Variants in MAML2 observed in about 807,000 individuals in gnomAD.
MAML2 encodes the protein mastermind-like protein 2.
Under a neutral mutation model 96.1 loss-of-function variants are expected in MAML2, and 22 were observed. The ratio of observed to expected loss-of-function variants is 0.23; its 90% CI spans 0.16 to 0.33. The LOEUF is 0.33. MAML2 is among the 10% of genes least tolerant of loss of function. The pLI is 1.00. For synonymous variants in MAML2, 561 were observed against 521.3 expected (o/e 1.08, Z -1.04); for missense variants, 1,367 against 1,392.4 (o/e 0.98, Z 0.29).
chr11:96,144,143 C>T (rs1363327998), intron 1 of MAML2, among the ~76,000 whole-genome samples: 1 of 152,134 alleles, frequency 6.6e-6, no homozygotes, highest in Non-Finnish European at 1.5e-5. Context: ...TGGGAGTTCT[C>T]GTCTCAATTC....
At chr11:96,254,205 T>C (rs1166371873) in intron 1 of MAML2, among the ~76,000 whole-genome samples, 1 of 152,212 alleles carries the variant, frequency 6.6e-6, no homozygotes, top group East Asian at 1.9e-4. Context: ...ACCAGACCTA[T>C]GCAAATAGTA....
At chr11:96,327,035 A>G (rs1257804115) in intron 1 of MAML2, among the ~76,000 whole-genome samples, 1 of 152,228 alleles carries the variant, frequency 6.6e-6, no homozygotes. Context: ...TATGAAGAAA[A>G]CAAAACCTCT....
rs553284041 is a variant in MAML2 at position 96,119,225 on chromosome 11, T to C, written c.514-25708A>G. 2.7e-5 allele frequency among the ~76,000 whole-genome samples: 4 copies of C among 150,206 alleles called. No homozygotes were observed. The East Asian group carries it at 7.7e-4, about 29-fold the overall frequency. On this transcript the variant is annotated intron_variant, in intron 1 of 4. Transcript: ENST00000524717. ...TGTGAACTTACATGGCAAAAGAGAC[T>C]GTGTTCTAAAATTTAGTTAAGGATC...
intron 1 of MAML2, among the ~76,000 whole-genome samples, chr11:96,226,695 A>G (rs1175829736): frequency 6.6e-6 from 1 of 152,224 alleles, no homozygotes; most frequent in Non-Finnish European, 1.5e-5. Context: ...GACAGTGTCA[A>G]TTCTTAATTG....
chr11:96,171,601 T>A (rs758616196), intron 1 of MAML2, among the ~76,000 whole-genome samples: 1 of 152,166 alleles, frequency 6.6e-6, no homozygotes, highest in Non-Finnish European at 1.5e-5. Flanking sequence ...GTCAATGCAG[T>A]CATGGGACTA....
At chr11:96,327,353 T>C (rs1863799522) in intron 1 of MAML2, among the ~76,000 whole-genome samples, 1 of 152,214 alleles carries the variant, frequency 6.6e-6, no homozygotes, top group Non-Finnish European at 1.5e-5. Flanking sequence ...TTTTCCTTAG[T>C]TTCTGTAATT....
At chr11:96,083,322 G>A (rs980991889) in intron 2 of MAML2, among the ~76,000 whole-genome samples, 1 of 152,082 alleles carries the variant, frequency 6.6e-6, no homozygotes. Context: ...ACTTTCCATT[G>A]CCTTCAGGAT....
chr11:96,015,078 C>A (rs549444184), intron 2 of MAML2, among the ~76,000 whole-genome samples: 22 of 152,284 alleles, frequency 1.4e-4, no homozygotes, highest in African/African-American at 5.3e-4. Flanking sequence ...AATACTTCAT[C>A]TAGTTAGTCA....
intron 1 of MAML2, among the ~76,000 whole-genome samples, chr11:96,221,989 T>C (rs1038426198): frequency 1.3e-5 from 2 of 152,220 alleles, no homozygotes; most frequent in African/African-American, 4.8e-5. Flanking sequence ...TTTCCGTTTC[T>C]ACTTTGTCAT....
Position 96,238,011 on chromosome 11 carries a change from C to T in MAML2, c.513+103372G>A, listed in dbSNP as rs558078105. ...CTGTATGGACAAAGTCTAATGCTTT[C>T]CGTGCCACCAAATTAGTACTTAAGT... On this transcript the variant is annotated intron_variant, in intron 1 of 4. Transcript: ENST00000524717. Among the ~76,000 whole-genome samples, 56 of 152,304 alleles carry T rather than the reference C, an allele frequency of 3.7e-4. No homozygotes were observed. In the South Asian group the frequency reaches 0.011, roughly 30 times the overall value.
intron 1 of MAML2, among the ~76,000 whole-genome samples, chr11:96,200,812 A>T (rs1251705797): frequency 6.6e-6 from 1 of 152,202 alleles, no homozygotes; most frequent in Non-Finnish European, 1.5e-5. Context: ...GAGAGGGAGC[A>T]CCAGAAGCAA....
Position 96,092,484 on chromosome 11 carries a change from T to G in MAML2, c.1547A>C (p.Lys516Thr), listed in dbSNP as rs1859739336. The part of the protein sequence containing the change: ...QSKVMANYMY[K>T]AGPSAQGGHL... ...CCCACCCTGGGCTGAGGGGCCGGCC[T>G]TGTACATGTAGTTAGCCATTACTTT... Residue 516 changes from lysine (K) to threonine (T), a missense_variant, in exon 2 of 5, where the codon AAG becomes ACG. Physicochemically the swap from Lys to Thr is moderately conservative, Grantham distance 78 (BLOSUM62 -1). Coordinates refer to ENST00000524717, the MANE Select transcript of MAML2 (RefSeq NM_032427.4). The surrounding 1 kb of genome is among the most constrained non-coding windows in gnomAD (Gnocchi z 4.1). 1 of 1,607,060 alleles carries G rather than the reference T, an allele frequency of 6.2e-7. No homozygotes were observed. The highest frequency in any genetic ancestry group is 1.1e-5 in the South Asian group (1 of 89,986).
rs994099565 is a variant in MAML2, at chr11:96,156,242, A to G, written c.514-62725T>C. Reference sequence around the variant, plus strand: ...CTCCTCAACCCCCTGCAAGGACTGGAGATGGCTCATGCTGGCCCTGTGCCC... The same window carrying G: ...CTCCTCAACCCCCTGCAAGGACTGGGGATGGCTCATGCTGGCCCTGTGCCC... On this transcript the variant is annotated intron_variant, in intron 1 of 4. Coordinates refer to ENST00000524717, the MANE Select transcript of MAML2 (RefSeq NM_032427.4). 2.0e-5 allele frequency among the ~76,000 whole-genome samples: 3 copies of G among 152,146 alleles called. No homozygotes were observed. The East Asian group carries it at 5.8e-4, about 29-fold the overall frequency.
chr11:96,235,847 A>G (rs1321257963), intron 1 of MAML2, among the ~76,000 whole-genome samples: 1 of 152,244 alleles, frequency 6.6e-6, no homozygotes, highest in Non-Finnish European at 1.5e-5. Flanking sequence ...CTGCTGTATC[A>G]CAGTCATACC....
chr11:96,251,860 T>G (rs1862586579), intron 1 of MAML2, among the ~76,000 whole-genome samples: 1 of 151,472 alleles, frequency 6.6e-6, no homozygotes, highest in African/African-American at 2.4e-5. Context: ...GCCTCCCGAG[T>G]AGCTGGGACT....
chr11:96,177,305 CTG>C (rs1369281224), intron 1 of MAML2, among the ~76,000 whole-genome samples: 1 of 152,190 alleles, frequency 6.6e-6, no homozygotes, highest in Non-Finnish European at 1.5e-5. Flanking sequence ...TAGAATGTGA[CTG>C]TCAATTTTCA....
At chr11:96,030,346 T>C (rs1292882691) in intron 2 of MAML2, among the ~76,000 whole-genome samples, 1 of 152,052 alleles carries the variant, frequency 6.6e-6, no homozygotes, top group Admixed American at 6.5e-5. Context: ...TGATGACCTA[T>C]AACAGCCATT....
At chr11:96,026,486 T>C (rs929406336) in intron 2 of MAML2, among the ~76,000 whole-genome samples, 6 of 152,188 alleles carry the variant, frequency 3.9e-5, no homozygotes, top group African/African-American at 1.4e-4. Flanking sequence ...CGTGGTGAGA[T>C]GATGCATATG....
intron 1 of MAML2, among the ~76,000 whole-genome samples, chr11:96,176,087 T>G (rs542004909): frequency 5.9e-5 from 9 of 152,310 alleles, no homozygotes; most frequent in African/African-American, 2.2e-4. Flanking sequence ...CCTTTTGAGG[T>G]AAGTATGAGG....
Sources: gnomAD v4.1 joint callset for allele counts (sites outside exome capture counted in the v4.1 genomes callset) on GRCh38, gnomAD v4.1.1 for gene constraint, Gnocchi (gnomAD v3.1) non-coding constraint, MANE v1.5 for transcripts, NCBI Gene and HGNC (gene_info 2026-07-23, HGNC 2026-07-21) for gene names.